CLDN14: variants seen among roughly 807,000 people sequenced by gnomAD.
CLDN14 encodes claudin-14.
CLDN14 carries 2 observed loss-of-function variants against 2.1 expected under a neutral mutation model. The ratio of observed to expected loss-of-function variants is 0.96; its 90% CI spans 0.39 to 3.01. CLDN14 has a LOEUF of 3.01. Among genes scored for constraint, CLDN14 ranks in the 30% most tolerant of loss-of-function variants. The probability of loss-of-function intolerance (pLI) is 0.09; values close to 1 mark genes in which losing one functional copy is unlikely to be tolerated. For synonymous variants in CLDN14, 136 were observed against 154.4 expected (o/e 0.88, Z 0.88); for missense variants, 298 against 328.0 (o/e 0.91, Z 0.71).
chr21:36,463,643 C>T (rs1034243109), intron 1 of CLDN14, among the ~76,000 whole-genome samples: 3 of 152,072 alleles, frequency 2.0e-5, no homozygotes, highest in Non-Finnish European at 4.4e-5. Context: ...AACCGGGAGG[C>T]GGAGGTTTCA....
rs145799185 is a variant in CLDN14, at chr21:36,516,957, C to T, written c.-219-6457G>A. Among the ~76,000 whole-genome samples, 8 of 152,298 alleles carry T rather than the reference C, an allele frequency of 5.3e-5. No homozygotes were observed. The East Asian group carries it at 1.5e-3, about 29-fold the overall frequency. On this transcript the variant is annotated intron_variant, in intron 1 of 2. Transcript: ENST00000342108. Reference sequence around the variant, plus strand: ...CCGGGTTCAAGCGATTCTCCTGCCTCGCCTCTGAAGTAGCTGGAATTACAG... The same window carrying T: ...CCGGGTTCAAGCGATTCTCCTGCCTTGCCTCTGAAGTAGCTGGAATTACAG...
chr21:36,572,081 G>A (rs2087713870), intron 1 of CLDN14, among the ~76,000 whole-genome samples: 1 of 152,164 alleles, frequency 6.6e-6, no homozygotes, highest in African/African-American at 2.4e-5. Flanking sequence ...TTTTATAAGT[G>A]TGTTCTTTAT....
At chr21:36,539,682 GGAGT>G (rs1301306239) in intron 1 of CLDN14, among the ~76,000 whole-genome samples, 11 of 150,416 alleles carry the variant, frequency 7.3e-5, no homozygotes, top group Middle Eastern at 3.5e-3. Context: ...GAATATGTGT[GGAGT>G]GAGTGTGTGT....
At chr21:36,487,958 A>G (rs936846627) in intron 2 of CLDN14, among the ~76,000 whole-genome samples, 12 of 152,236 alleles carry the variant, frequency 7.9e-5, no homozygotes, top group Admixed American at 3.3e-4. Context: ...TAAAATATAA[A>G]GAGATCAAAA....
At chr21:36,533,874 A>G (rs1324532661) in intron 1 of CLDN14, among the ~76,000 whole-genome samples, 3 of 152,172 alleles carry the variant, frequency 2.0e-5, no homozygotes, top group Admixed American at 2.0e-4. Flanking sequence ...GAGGATCAGG[A>G]AAAATAACTA....
exon 1 of CLDN14, chr21:36,576,530 G>A (rs1313277526): frequency 6.5e-6 from 1 of 153,430 alleles, no homozygotes; most frequent in Non-Finnish European, 1.4e-5. Context: ...GCCTGGCTGG[G>A]CTGCCTGCCT....
intron 2 of CLDN14, among the ~76,000 whole-genome samples, chr21:36,490,984 A>C (rs1393328577): frequency 6.7e-6 from 1 of 149,234 alleles, no homozygotes; most frequent in African/African-American, 2.5e-5. Flanking sequence ...ACACACACAC[A>C]CACACCCCTG....
chr21:36,516,586 A>G (rs2087230632), intron 1 of CLDN14, among the ~76,000 whole-genome samples: 1 of 152,248 alleles, frequency 6.6e-6, no homozygotes, highest in Admixed American at 6.5e-5. Flanking sequence ...AATTTTACCA[A>G]CAAAGTACTA....
intron 1 of CLDN14, among the ~76,000 whole-genome samples, chr21:36,557,456 T>C (rs1002519831): frequency 4.6e-5 from 7 of 152,074 alleles, no homozygotes; most frequent in African/African-American, 1.7e-4. Flanking sequence ...CCAACTCTTA[T>C]CTTAAAAAAA....
chr21:36,567,634 A>T (rs1367088592), intron 1 of CLDN14, among the ~76,000 whole-genome samples: 2 of 152,150 alleles, frequency 1.3e-5, no homozygotes, highest in Non-Finnish European at 2.9e-5. Context: ...AACTGAGAAC[A>T]GTTTCCATTT....
At chr21:36,545,457 C>T (rs1256905660) in intron 1 of CLDN14, among the ~76,000 whole-genome samples, 1 of 152,088 alleles carries the variant, frequency 6.6e-6, no homozygotes, top group Non-Finnish European at 1.5e-5. Context: ...TCCAGAAGAT[C>T]AAAGACAACC....
chr21:36,476,672 C>T (rs1568848435), intron 1 of CLDN14, among the ~76,000 whole-genome samples: 4 of 152,160 alleles, frequency 2.6e-5, no homozygotes, highest in South Asian at 2.1e-4. Flanking sequence ...AGGCTGGTCT[C>T]GAACTCCTGA....
intron 2 of CLDN14, among the ~76,000 whole-genome samples, chr21:36,485,464 A>C (rs1056123424): frequency 1.3e-5 from 2 of 152,296 alleles, no homozygotes; most frequent in African/African-American, 2.4e-5. Context: ...CCGCCTCAGC[A>C]TCCCAAAGTG....
intron 1 of CLDN14, among the ~76,000 whole-genome samples, chr21:36,515,754 C>T (rs1431859766): frequency 6.6e-6 from 1 of 150,854 alleles, no homozygotes; most frequent in African/African-American, 2.4e-5. Context: ...ACACGGCCCA[C>T]CTGTGTGCTA....
chr21:36,514,415 G>A (rs571997582), intron 1 of CLDN14, among the ~76,000 whole-genome samples: 68 of 152,258 alleles, frequency 4.5e-4, no homozygotes, highest in Admixed American at 8.5e-4. Flanking sequence ...GAGGCAGGCA[G>A]GGGGAAAGCC....
chr21:36,512,989 A>G (rs2835369), intron 1 of CLDN14, among the ~76,000 whole-genome samples: 134,441 of 152,290 alleles, frequency 0.88, 60,043 homozygotes, highest in African/African-American at 0.93. Flanking sequence ...AAAGGTAAAA[A>G]TGGTGGCGTA....
At chr21:36,555,166 G>C (rs2087589942) in intron 1 of CLDN14, among the ~76,000 whole-genome samples, 1 of 152,232 alleles carries the variant, frequency 6.6e-6, no homozygotes, top group South Asian at 2.1e-4. Flanking sequence ...TGCTGTTCTA[G>C]AATGCCTATA....
intron 1 of CLDN14, among the ~76,000 whole-genome samples, chr21:36,554,444 T>G (rs972663885): frequency 1.3e-5 from 2 of 152,166 alleles, no homozygotes; most frequent in African/African-American, 4.8e-5. Context: ...GGCAGGTGCG[T>G]AACAGCCATC....
intron 1 of CLDN14, among the ~76,000 whole-genome samples, chr21:36,547,538 A>G (rs1014946524): frequency 6.6e-6 from 1 of 152,170 alleles, no homozygotes; most frequent in Non-Finnish European, 1.5e-5. Flanking sequence ...CCGGGCCATT[A>G]AGGGAATCAG....
Sources: gnomAD v4.1 joint callset for allele counts (sites outside exome capture counted in the v4.1 genomes callset) on GRCh38, gnomAD v4.1.1 for gene constraint, MANE v1.5 for transcripts, NCBI Gene and HGNC (gene_info 2026-07-23, HGNC 2026-07-21) for gene names.